Variants in FAM120A observed in about 807,000 individuals in gnomAD.
FAM120A encodes the protein family with sequence similarity 120 member A.
FAM120A carries 15 observed loss-of-function variants against 109.7 expected under a neutral mutation model. The observed-to-expected ratio is 0.14, with a 90% CI of 0.09 to 0.21. FAM120A has a LOEUF of 0.21. Among genes scored for constraint, FAM120A ranks in the 10% least tolerant of loss-of-function variants. FAM120A has a pLI of 1.00. For synonymous variants in FAM120A, 493 were observed against 572.8 expected (o/e 0.86, Z 1.99); for missense variants, 899 against 1,439.3 (o/e 0.62, Z 6.07).
chr9:93,507,575 G>C (rs1860116567), intron 5 of FAM120A, among the ~76,000 whole-genome samples: 1 of 152,168 alleles, frequency 6.6e-6, no homozygotes, highest in South Asian at 2.1e-4. Context: ...GGAAGCGGAG[G>C]ATAAAGAGAT....
intron 10 of FAM120A, 73 bp from the exon 11 acceptor site, chr9:93,543,149 G>A: frequency 6.4e-7 from 1 of 1,552,650 alleles, no homozygotes. Context: ...TACTAGAGCT[G>A]CTTGTTTTTG....
intron 3 of FAM120A, among the ~76,000 whole-genome samples, chr9:93,486,957 A>AT (rs1047491477): frequency 2.0e-5 from 3 of 151,770 alleles, no homozygotes; most frequent in Non-Finnish European, 4.4e-5. Context: ...GTTATTGTCT[A>AT]TTTTTTTATT....
chr9:93,537,983 G>C (rs1861577422), intron 10 of FAM120A, among the ~76,000 whole-genome samples: 1 of 151,894 alleles, frequency 6.6e-6, no homozygotes, highest in South Asian at 2.1e-4. Flanking sequence ...GATATGACAG[G>C]CCAATCTGTG....
chr9:93,472,131 G>A (rs1226982050), intron 2 of FAM120A, among the ~76,000 whole-genome samples: 1 of 151,980 alleles, frequency 6.6e-6, no homozygotes, highest in African/African-American at 2.4e-5. Context: ...ATGGTGGTGG[G>A]CGCCTATAAT....
chr9:93,452,177 G>A lies in FAM120A; in HGVS notation c.262G>A (p.Gly88Ser), dbSNP rs763525148. 2.2e-5 allele frequency: 35 copies of A among 1,611,602 alleles called. No individual in the cohort carries two copies. The highest frequency in any genetic ancestry group is 1.7e-6 in the Non-Finnish European group (2 of 1,179,722). ...LAALAKACFG[G>S]NIELFVFFNG... ...GGCGCTGGCCAAGGCCTGCTTCGGCGGCAACATCGAGCTCTTCGTCTTCTT... is the reference window on the plus strand; with the variant it reads ...GGCGCTGGCCAAGGCCTGCTTCGGCAGCAACATCGAGCTCTTCGTCTTCTT... Residue 88 changes from glycine (G) to serine (S), a missense_variant, in exon 1 of 18, where the codon GGC becomes AGC. Physicochemically the swap from Gly to Ser is moderately conservative, Grantham distance 56 (BLOSUM62 0). Around this residue, in one of 11 missense-constraint regions of FAM120A, gnomAD observed 258 missense variants for 451.4 expected, o/e 0.57. Coordinates refer to ENST00000277165, the MANE Select transcript of FAM120A (RefSeq NM_014612.5). This position sits in a 1 kb window ranked among gnomAD's most constrained non-coding sequence, Gnocchi z 7.0.
chr9:93,516,241 A>G lies in FAM120A; in HGVS notation c.1390A>G (p.Asn464Asp). 2 of 1,613,414 alleles carry G rather than the reference A, an allele frequency of 1.2e-6. No individual in the cohort carries two copies. Among genetic ancestry groups the G allele is most frequent in the South Asian group, 1.1e-5 (1 of 91,042 alleles). Residue 464 changes from asparagine to aspartate, a missense_variant, in exon 7 of 18, where the codon AAC becomes GAC. This residue lies in a region of FAM120A where 31 missense variants were observed against 71.8 expected (regional missense o/e 0.43). Transcript: ENST00000277165. ...PGSSTSSSSD[N>D]DEGSGGATNH... ...CTCTTCTACATCGTCATCTTCCGAC[A>G]ACGACGAGGGCAGCGGAGGGGCGAC...
At chr9:93,454,431 G>A (rs1857455619) in intron 1 of FAM120A, among the ~76,000 whole-genome samples, 1 of 151,954 alleles carries the variant, frequency 6.6e-6, no homozygotes, top group Admixed American at 6.6e-5. Context: ...GGCGGGTGTA[G>A]GGGGGTGCTT....
intron 11 of FAM120A, among the ~76,000 whole-genome samples, chr9:93,550,303 G>A (rs1441550859): frequency 6.6e-6 from 1 of 152,186 alleles, no homozygotes; most frequent in Non-Finnish European, 1.5e-5. Flanking sequence ...ACAAGAGTGA[G>A]GTTGTATCAA....
chr9:93,482,081 A>C (rs909202810), intron 3 of FAM120A, among the ~76,000 whole-genome samples: 55 of 151,202 alleles, frequency 3.6e-4, no homozygotes, highest in Non-Finnish European at 2.5e-4. Context: ...ACTCTGATTC[A>C]CTTATTTTGG....
Position 93,529,492 on chromosome 9 carries a change from C to A in FAM120A, c.1646C>A (p.Pro549His). The change falls in exon 9 of 18, where the codon CCC becomes CAC. Residue 549 changes from proline to histidine, a missense_variant. Physicochemically the swap from Pro to His is moderately conservative, Grantham distance 77 (BLOSUM62 -2). Around this residue, in one of 11 missense-constraint regions of FAM120A, gnomAD observed 133 missense variants for 276.6 expected, o/e 0.48. Coordinates refer to ENST00000277165, the MANE Select transcript of FAM120A (RefSeq NM_014612.5). ...ATGGACATCACCACACCTCCCCTGC[C>A]CCCCGTCGCACCTGAGGTGCTGAGA... is the stretch of plus-strand genomic sequence containing the variant. ...NHMDITTPPL[P>H]PVAPEVLRVA... is the part of the protein sequence containing the mutation. The A allele has an allele frequency of 6.2e-7, 1 of 1,614,220 alleles. No homozygotes were observed. Among genetic ancestry groups the A allele is most frequent in the East Asian group, 2.2e-5 (1 of 44,882 alleles).
intron 11 of FAM120A, among the ~76,000 whole-genome samples, chr9:93,549,302 C>T (rs190323348): frequency 3.3e-5 from 5 of 152,238 alleles, no homozygotes; most frequent in African/African-American, 9.6e-5. Context: ...TTGACCATGA[C>T]GTATATAAGC....
intron 15 of FAM120A, among the ~76,000 whole-genome samples, chr9:93,560,628 A>G (rs1415541303): frequency 6.6e-6 from 1 of 152,260 alleles, no homozygotes; most frequent in Non-Finnish European, 1.5e-5. Context: ...TACAATTTGC[A>G]GTAATCAAAA....
chr9:93,551,009 AG>A (rs1392685563), intron 12 of FAM120A, among the ~76,000 whole-genome samples: 1 of 152,080 alleles, frequency 6.6e-6, no homozygotes, highest in African/African-American at 2.4e-5. Flanking sequence ...TTTATATTTT[AG>A]GGGGGGATTC....
intron 3 of FAM120A, among the ~76,000 whole-genome samples, chr9:93,479,637 A>G (rs1036021429): frequency 6.6e-6 from 1 of 152,160 alleles, no homozygotes; most frequent in Non-Finnish European, 1.5e-5. Context: ...AATACCATGG[A>G]TAGGAAGTCA....
At chr9:93,474,718 C>G (rs149175701) in intron 2 of FAM120A, among the ~76,000 whole-genome samples, 1 of 152,104 alleles carries the variant, frequency 6.6e-6, no homozygotes, top group Non-Finnish European at 1.5e-5. Context: ...CTCAGCCTCC[C>G]GAGTAGCTGG....
Position 93,557,817 on chromosome 9 carries a change from T to G in FAM120A, c.2485-10T>G. ...GATGGCATTTTCACATGCTGGTCCT[T>G]GTCTTCCAGGCTGATCAGGCTGCCA... On this transcript the variant is annotated splice_polypyrimidine_tract_variant and intron_variant, in intron 13 of 17. Coordinates refer to ENST00000277165, the MANE Select transcript of FAM120A (RefSeq NM_014612.5). 1 of 1,610,220 alleles carries G rather than the reference T, an allele frequency of 6.2e-7. No homozygotes were observed.
intron 1 of FAM120A, among the ~76,000 whole-genome samples, chr9:93,458,782 G>A (rs549814231): frequency 3.9e-5 from 6 of 152,280 alleles, no homozygotes; most frequent in Middle Eastern, 3.4e-3. Flanking sequence ...GCGCCCCAGT[G>A]GAACTAATCT....
At chr9:93,539,037 G>C (rs1041332086) in intron 10 of FAM120A, among the ~76,000 whole-genome samples, 1 of 140,736 alleles carries the variant, frequency 7.1e-6, no homozygotes, top group East Asian at 2.4e-4. Context: ...TCACTCTGTC[G>C]CCCAGGCTGG....
In FAM120A at chr9:93,497,307, G is replaced by A. The variant is rs542246899; in HGVS notation, c.805-164G>A. ...AGTTCTTGAGCTTCAGAACGTGAAC[G>A]GCTTAGGAAAGTCTTAGGGCCAAGA... On this transcript the variant is annotated intron_variant, in intron 3 of 17. Coordinates refer to ENST00000277165, the MANE Select transcript of FAM120A (RefSeq NM_014612.5). Among the ~76,000 whole-genome samples, 13 of 152,314 alleles carry A rather than the reference G, an allele frequency of 8.5e-5. No individual in the cohort carries two copies. In the South Asian group the frequency reaches 2.5e-3, roughly 29 times the overall value.
Sources: gnomAD v4.1 joint callset for allele counts (sites outside exome capture counted in the v4.1 genomes callset) on GRCh38, gnomAD v4.1.1 for gene constraint, gnomAD v4.1.1 regional missense constraint, Gnocchi (gnomAD v3.1) non-coding constraint, MANE v1.5 for transcripts, NCBI Gene and HGNC (gene_info 2026-07-23, HGNC 2026-07-21) for gene names.